The following HS3ST5 variants were observed in gnomAD, a reference collection of about 807,000 sequenced individuals.
HS3ST5 encodes heparan sulfate glucosamine 3-O-sulfotransferase 5.
Under a neutral mutation model 25.4 loss-of-function variants are expected in HS3ST5, and 10 were observed. That is an observed-to-expected ratio of 0.39 (90% CI 0.24 to 0.67). HS3ST5 has a LOEUF of 0.67. Ranked by LOEUF, HS3ST5 falls within the 30% of genes least tolerant of loss-of-function variation. HS3ST5 has a pLI of 0.44. For missense variants in HS3ST5, 324 were observed against 420.7 expected (o/e 0.77, Z 2.01); for synonymous variants, 170 against 162.4 (o/e 1.05, Z -0.36).
chr6:114,196,081 C>G (rs1001029209), intron 2 of HS3ST5, among the ~76,000 whole-genome samples: 4 of 152,136 alleles, frequency 2.6e-5, no homozygotes, highest in Admixed American at 6.6e-5. Context: ...AAACAGCAAC[C>G]CTCTTCTGGG....
intron 1 of HS3ST5, among the ~76,000 whole-genome samples, chr6:114,279,781 T>C (rs1474950559): frequency 6.6e-6 from 1 of 151,854 alleles, no homozygotes; most frequent in Non-Finnish European, 1.5e-5. Context: ...CTTCCAGAAG[T>C]TGGGAGATTT....
chr6:114,307,237 C>A (rs1775334510), intron 1 of HS3ST5, among the ~76,000 whole-genome samples: 1 of 152,142 alleles, frequency 6.6e-6, no homozygotes, highest in African/African-American at 2.4e-5. Flanking sequence ...TTTGCTAGGA[C>A]ATCCTCTTAG....
At chr6:114,310,615 T>G (rs536359199) in intron 1 of HS3ST5, among the ~76,000 whole-genome samples, 1 of 152,164 alleles carries the variant, frequency 6.6e-6, no homozygotes, top group South Asian at 2.1e-4. Context: ...ACAATGGATG[T>G]TTGTTGTATA....
chr6:114,068,048 G>A (rs574842138), intron 3 of HS3ST5, among the ~76,000 whole-genome samples: 20 of 152,008 alleles, frequency 1.3e-4, no homozygotes, highest in African/African-American at 4.8e-4. Context: ...AGCTTCGGGA[G>A]GTAGATTAAT....
At chr6:114,231,448 C>G (rs1039839056) in intron 1 of HS3ST5, 1 of 152,232 alleles carries the variant, frequency 6.6e-6, no homozygotes, top group African/African-American at 2.4e-5. Context: ...ACCAGTTAAG[C>G]CTCTCTTCTT....
chr6:114,240,248 A>G (rs932437650), intron 1 of HS3ST5, among the ~76,000 whole-genome samples: 1 of 152,160 alleles, frequency 6.6e-6, no homozygotes, highest in Non-Finnish European at 1.5e-5. Flanking sequence ...TAGTGGTGGT[A>G]GTTTTCAGCC....
chr6:114,327,481 C>T (rs1460020345), intron 1 of HS3ST5, among the ~76,000 whole-genome samples: 7 of 152,166 alleles, frequency 4.6e-5, no homozygotes, highest in Non-Finnish European at 8.8e-5. Context: ...GCCATGGATA[C>T]ATAAGTTGAT....
intron 3 of HS3ST5, among the ~76,000 whole-genome samples, chr6:114,163,728 C>G (rs1283204631): frequency 1.3e-5 from 2 of 152,108 alleles, no homozygotes; most frequent in Non-Finnish European, 2.9e-5. Context: ...CAGTACCTGG[C>G]CTGTTAATAA....
At chr6:114,271,155 C>A (rs1318079699) in intron 1 of HS3ST5, among the ~76,000 whole-genome samples, 1 of 152,168 alleles carries the variant, frequency 6.6e-6, no homozygotes, top group East Asian at 1.9e-4. Flanking sequence ...CTAATTGTTA[C>A]AAAGTTCTTT....
chr6:114,300,164 C>A (rs1775011275), intron 1 of HS3ST5, among the ~76,000 whole-genome samples: 1 of 150,938 alleles, frequency 6.6e-6, no homozygotes, highest in East Asian at 1.9e-4. Context: ...CGGATTTCAT[C>A]AAAATTAAAA....
At position 114,089,791 on chromosome 6, in the gene HS3ST5, C is replaced by T. The variant is rs73769045; in HGVS notation, c.-32-26914G>A. On this transcript the variant is annotated intron_variant, in intron 3 of 4. Coordinates refer to ENST00000312719, the MANE Select transcript of HS3ST5 (RefSeq NM_153612.4). ...ATTTGTGGCCACTGAACGGAGAAGCCGTTGGGCAATCTCATGATCTCAGTC... is the reference window on the plus strand; with the variant it reads ...ATTTGTGGCCACTGAACGGAGAAGCTGTTGGGCAATCTCATGATCTCAGTC... 4.2e-3 allele frequency among the ~76,000 whole-genome samples: 642 copies of T among 152,266 alleles called. 7 individuals are homozygous for T. The highest frequency in any genetic ancestry group is 0.015 in the African/African-American group (620 of 41,540).
intron 3 of HS3ST5, among the ~76,000 whole-genome samples, chr6:114,162,708 T>A (rs1200305672): frequency 1.3e-5 from 2 of 152,166 alleles, no homozygotes; most frequent in African/African-American, 2.4e-5. Flanking sequence ...AATAAATGAA[T>A]CTGCTTCCTG....
At chr6:114,305,381 GACTC>G (rs1352162118) in intron 1 of HS3ST5, among the ~76,000 whole-genome samples, 11 of 152,068 alleles carry the variant, frequency 7.2e-5, no homozygotes, top group African/African-American at 2.7e-4. Context: ...TGAAGTGACA[GACTC>G]ACTATGTTAT....
At chr6:114,103,221 G>A (rs148667302) in intron 3 of HS3ST5, among the ~76,000 whole-genome samples, 159 of 151,998 alleles carry the variant, frequency 1.0e-3, no homozygotes, top group African/African-American at 3.4e-3. Context: ...ATTTTAGTAC[G>A]TATTAAATTA....
intron 1 of HS3ST5, among the ~76,000 whole-genome samples, chr6:114,269,217 C>A (rs974040414): frequency 2.6e-5 from 4 of 152,240 alleles, no homozygotes; most frequent in South Asian, 4.1e-4. Flanking sequence ...AGTTATCTTT[C>A]CATTTTGTGG....
intron 3 of HS3ST5, among the ~76,000 whole-genome samples, chr6:114,087,543 G>T (rs1002390103): frequency 2.0e-5 from 3 of 152,184 alleles, no homozygotes; most frequent in Non-Finnish European, 4.4e-5. Context: ...TTCATTATTA[G>T]ATGTTTGATC....
At chr6:114,070,984 G>A (rs1007941904) in intron 3 of HS3ST5, among the ~76,000 whole-genome samples, 20 of 152,082 alleles carry the variant, frequency 1.3e-4, no homozygotes, top group African/African-American at 4.3e-4. Flanking sequence ...GTGGAAACTG[G>A]ATCACATCAT....
chr6:114,341,497 G>A (rs568816865), intron 1 of HS3ST5, among the ~76,000 whole-genome samples: 141 of 152,192 alleles, frequency 9.3e-4, no homozygotes, highest in African/African-American at 3.4e-3. Flanking sequence ...CAAGTAACAG[G>A]AGCAGGAGTC....
intron 2 of HS3ST5, among the ~76,000 whole-genome samples, chr6:114,171,841 G>A (rs1264472935): frequency 3.9e-5 from 6 of 152,018 alleles, no homozygotes; most frequent in African/African-American, 1.4e-4. Flanking sequence ...GTTCTCCCTT[G>A]CAGTAATAGT....
Sources: gnomAD v4.1 joint callset for allele counts (sites outside exome capture counted in the v4.1 genomes callset) on GRCh38, gnomAD v4.1.1 for gene constraint, MANE v1.5 for transcripts, NCBI Gene and HGNC (gene_info 2026-07-23, HGNC 2026-07-21) for gene names.